ANKS1B: variants seen among roughly 807,000 people sequenced by gnomAD.
The protein encoded by ANKS1B is ankyrin repeat and sterile alpha motif domain-containing protein 1B.
ANKS1B carries 36 observed loss-of-function variants against 148.3 expected under a neutral mutation model. That is an observed-to-expected ratio of 0.24 (90% CI 0.19 to 0.32). The LOEUF is 0.32. Among genes scored for constraint, ANKS1B ranks in the 10% least tolerant of loss-of-function variants. The pLI, the probability that ANKS1B is intolerant of heterozygous loss-of-function variation, is 1.00. For synonymous variants in ANKS1B, 542 were observed against 560.8 expected, an observed-to-expected ratio of 0.97 and a Z score of 0.47; for missense variants, 1,157 against 1,542.6, an observed-to-expected ratio of 0.75 and a Z score of 4.19.
At chr12:99,581,397 A>C (rs1459883922) in intron 9 of ANKS1B, among the ~76,000 whole-genome samples, 1 of 152,226 alleles carries the variant, frequency 6.6e-6, no homozygotes, top group Non-Finnish European at 1.5e-5. Context: ...ATATATAAAA[A>C]AGTAACTTAA....
intron 17 of ANKS1B, among the ~76,000 whole-genome samples, chr12:98,992,212 A>C (rs985344737): frequency 3.1e-4 from 47 of 152,122 alleles, no homozygotes; most frequent in Admixed American, 2.8e-3. Context: ...TTTCTGTCCC[A>C]CGGCTTTTAC....
At chr12:98,860,002 C>T (rs2099590582) in intron 17 of ANKS1B, among the ~76,000 whole-genome samples, 1 of 152,174 alleles carries the variant, frequency 6.6e-6, no homozygotes, top group Non-Finnish European at 1.5e-5. Flanking sequence ...GCAATAAGTA[C>T]AGCTCCCAGA....
At chr12:99,703,046 A>G (rs998695262) in intron 8 of ANKS1B, among the ~76,000 whole-genome samples, 11 of 152,054 alleles carry the variant, frequency 7.2e-5, no homozygotes, top group African/African-American at 2.7e-4. Flanking sequence ...CTCTTTCATT[A>G]TAAATTTTGT....
intron 9 of ANKS1B, chr12:99,648,875 C>T: frequency 1.4e-6 from 2 of 1,471,232 alleles, no homozygotes; most frequent in Non-Finnish European, 9.0e-7. Context: ...TGCTGCAGCT[C>T]ACCTGGGAAA....
At chr12:99,262,205 C>T (rs2075996293) in intron 12 of ANKS1B, among the ~76,000 whole-genome samples, 1 of 152,034 alleles carries the variant, frequency 6.6e-6, no homozygotes, top group Non-Finnish European at 1.5e-5. Flanking sequence ...ATTCCCTTCC[C>T]TGCTTTATAG....
chr12:99,949,431 C>T (rs1292596326), intron 1 of ANKS1B, among the ~76,000 whole-genome samples: 1 of 152,116 alleles, frequency 6.6e-6, no homozygotes, highest in African/African-American at 2.4e-5. Flanking sequence ...GATCAAGTAG[C>T]ACAAACTCTT....
In ANKS1B at chr12:99,759,587, A is replaced by G. The variant is rs1002322969; in HGVS notation, c.1128+13335T>C. Among the ~76,000 whole-genome samples, 4 of 152,130 alleles carry G rather than the reference A, an allele frequency of 2.6e-5. No homozygotes were observed. The East Asian group carries it at 5.8e-4, about 22-fold the overall frequency. On this transcript the variant is annotated intron_variant, in intron 8 of 26. Coordinates refer to ENST00000683438, the MANE Select transcript of ANKS1B (RefSeq NM_001352186.2). ...GCAACTGCCATGTCTCTTTAAGCTCAGGCTCTCGCCTGATTTCCTTTGGCA... is the reference window on the plus strand; with the variant it reads ...GCAACTGCCATGTCTCTTTAAGCTCGGGCTCTCGCCTGATTTCCTTTGGCA...
chr12:98,767,311 T>C (rs1320329232), intron 25 of ANKS1B, among the ~76,000 whole-genome samples: 2 of 152,208 alleles, frequency 1.3e-5, no homozygotes, highest in Non-Finnish European at 2.9e-5. Context: ...CACAGTCGGA[T>C]GACCATGTTT....
chr12:99,167,281 A>G (rs1157167075), intron 14 of ANKS1B, among the ~76,000 whole-genome samples: 1 of 152,092 alleles, frequency 6.6e-6, no homozygotes, highest in Non-Finnish European at 1.5e-5. Flanking sequence ...TTGAAAGACA[A>G]TATTAAGAGA....
intron 19 of ANKS1B, among the ~76,000 whole-genome samples, chr12:98,825,445 T>A (rs949643384): frequency 2.0e-5 from 3 of 152,338 alleles, no homozygotes; most frequent in South Asian, 2.1e-4. Flanking sequence ...TGCTTTTTTT[T>A]AAATCTTAGG....
rs117521843 is a variant in ANKS1B at position 99,963,315 on chromosome 12, G to A, written c.134+20789C>T. 1.9e-3 allele frequency among the ~76,000 whole-genome samples: 291 copies of A among 152,228 alleles called. 7 individuals carry two copies. In the East Asian group the frequency reaches 0.039, roughly 21 times the overall value. ...ATTCTGTAGGCTGCCTGTTCACTCC[G>A]ATGATAGTTTCTTTCATTGTGCAGA... On this transcript the variant is annotated intron_variant, in intron 1 of 26. Coordinates refer to ENST00000683438, the MANE Select transcript of ANKS1B (RefSeq NM_001352186.2).
intron 10 of ANKS1B, among the ~76,000 whole-genome samples, chr12:99,481,166 T>TC (rs1169995686): frequency 6.6e-6 from 1 of 151,722 alleles, no homozygotes. Context: ...GTAGTTTGTT[T>TC]TTTTATCCCT....
intron 17 of ANKS1B, among the ~76,000 whole-genome samples, chr12:99,028,607 C>T (rs923639620): frequency 7.9e-5 from 12 of 152,178 alleles, no homozygotes; most frequent in African/African-American, 2.2e-4. Context: ...CCTTTTACTG[C>T]TTAATTATTC....
chr12:98,945,249 A>G (rs1458014373), intron 17 of ANKS1B, among the ~76,000 whole-genome samples: 3 of 152,152 alleles, frequency 2.0e-5, no homozygotes, highest in Non-Finnish European at 4.4e-5. Context: ...TAATCCCAGT[A>G]CTTTGGGAGA....
intron 8 of ANKS1B, among the ~76,000 whole-genome samples, chr12:99,715,759 T>G (rs932769557): frequency 1.3e-5 from 2 of 152,174 alleles, no homozygotes; most frequent in African/African-American, 4.8e-5. Context: ...AGCAGCCTCT[T>G]CTTACTCTCT....
chr12:99,602,841 T>C (rs1355193384), intron 9 of ANKS1B, among the ~76,000 whole-genome samples: 1 of 152,046 alleles, frequency 6.6e-6, no homozygotes, highest in Non-Finnish European at 1.5e-5. Context: ...ACAGCCCAGA[T>C]TTCAGGTAGA....
chr12:98,861,118 T>G (rs536595009), intron 17 of ANKS1B, among the ~76,000 whole-genome samples: 7 of 152,094 alleles, frequency 4.6e-5, no homozygotes, highest in Non-Finnish European at 8.8e-5. Context: ...ACCCCAAACT[T>G]CCATACAAGA....
intron 15 of ANKS1B, among the ~76,000 whole-genome samples, chr12:99,109,142 G>A (rs1440763743): frequency 6.6e-6 from 1 of 151,984 alleles, no homozygotes; most frequent in African/African-American, 2.4e-5. Flanking sequence ...GCTGTAGAAT[G>A]TTCCCAGGCT....
intron 14 of ANKS1B, among the ~76,000 whole-genome samples, chr12:99,183,569 G>A (rs1389105575): frequency 6.6e-6 from 1 of 152,192 alleles, no homozygotes; most frequent in Non-Finnish European, 1.5e-5. Context: ...CTTGAAACCA[G>A]AAGGCGGAGG....
Sources: allele counts gnomAD v4.1 joint callset (sites outside exome capture counted in the v4.1 genomes callset), GRCh38; gene constraint gnomAD v4.1.1; transcripts MANE v1.5; gene names NCBI Gene and HGNC (gene_info 2026-07-23, HGNC 2026-07-21).